The following TLCD2 variants were observed in gnomAD, a reference collection of about 807,000 sequenced individuals.
The protein encoded by TLCD2 is TLC domain-containing protein 2.
A neutral mutation model predicts 14.0 loss-of-function variants in TLCD2; 12 were observed. That is an observed-to-expected ratio of 0.86 (90% CI 0.55 to 1.39). The LOEUF (loss-of-function observed/expected upper bound fraction) is 1.39. TLCD2 is among the 40% of genes most tolerant of loss of function. The probability of loss-of-function intolerance (pLI) is 0.00; values close to 1 mark genes in which losing one functional copy is unlikely to be tolerated. For missense variants in TLCD2, 360 were observed against 346.8 expected, an observed-to-expected ratio of 1.04 and a Z score of -0.30; for synonymous variants, 166 against 156.5, an observed-to-expected ratio of 1.06 and a Z score of -0.45.
chr17:1,707,603 TTTC>T lies in TLCD2; in HGVS notation c.*164_*166del. 1.7e-6 allele frequency: 1 copy of T among 579,474 alleles called. No homozygotes were observed. Among genetic ancestry groups the T allele is most frequent in the African/African-American group, 1.9e-5 (1 of 53,214 alleles). 35.9% of individuals were successfully genotyped at this position (579,474 alleles called of 1,614,324 possible). A position where few individuals can be genotyped will look rare whatever the true frequency, so the allele number is the denominator to read the frequency against. ...GGTTCCCACCCATCCAACATCAGCA[TTTC>T]TTCTTAGATCCGAGGAAGGGGAAGG... On this transcript the variant is annotated 3_prime_UTR_variant, in exon 4 of 4. Transcript: ENST00000330676.
In TLCD2 at chr17:1,703,295, T is replaced by A. The variant is rs1462439769; in HGVS notation, c.*4475A>T. ...ACTACATCCTGCCCCACCTGGGAGC[T>A]GACCTCACTCTTCCTGTATGGGCTT... On this transcript the variant is annotated 3_prime_UTR_variant, in exon 4 of 4. Coordinates refer to ENST00000330676, the MANE Select transcript of TLCD2 (RefSeq NM_001164407.2). 6.6e-6 allele frequency: 1 copy of A among 152,200 alleles called. No homozygotes were observed. Among genetic ancestry groups the A allele is most frequent in the Non-Finnish European group, 1.5e-5 (1 of 68,050 alleles). 9.4% of individuals were successfully genotyped at this position (152,200 alleles called of 1,614,324 possible). A position where few individuals can be genotyped will look rare whatever the true frequency, so the allele number is the denominator to read the frequency against.
In TLCD2 at chr17:1,702,839, T is replaced by C. The variant is rs944644511; in HGVS notation, c.*4931A>G. 1.3e-5 allele frequency: 2 copies of C among 152,232 alleles called. No individual in the cohort carries two copies. Among genetic ancestry groups the C allele is most frequent in the African/African-American group, 4.8e-5 (2 of 41,458 alleles). 9.4% of individuals were successfully genotyped at this position (152,232 alleles called of 1,614,324 possible). A position where few individuals can be genotyped will look rare whatever the true frequency, so the allele number is the denominator to read the frequency against. ...AATTATTTGCATAGCAATTTATTAA[T>C]TTATAATCAGGATAGTGTTTCAAGG... On this transcript the variant is annotated 3_prime_UTR_variant, in exon 4 of 4. Transcript: ENST00000330676.
chr17:1,707,697 G>A lies in TLCD2; in HGVS notation c.*73C>T. On this transcript the variant is annotated 3_prime_UTR_variant, in exon 4 of 4. Coordinates refer to ENST00000330676, the MANE Select transcript of TLCD2 (RefSeq NM_001164407.2). ...CAAGTCTGGCCCTCACCCTGATGGGGGACTGTGCATGGAAGACCCTCATCT... is the reference window on the plus strand; with the variant it reads ...CAAGTCTGGCCCTCACCCTGATGGGAGACTGTGCATGGAAGACCCTCATCT... The A allele has an allele frequency of 8.1e-7, 1 of 1,234,890 alleles. No homozygotes were observed. The highest frequency in any genetic ancestry group is 1.1e-6 in the Non-Finnish European group (1 of 918,796). 76.5% of individuals were successfully genotyped at this position (1,234,890 alleles called of 1,614,324 possible).
In TLCD2 at chr17:1,709,713, C is replaced by G; in HGVS notation, c.259+91G>C. The G allele has an allele frequency of 2.5e-6, 3 of 1,209,274 alleles. No homozygotes were observed. In the South Asian group the frequency reaches 3.9e-5, roughly 16 times the overall value. The allele number at this position is 1,209,274 out of a possible 1,614,324, so 74.9% of individuals were successfully genotyped here. On this transcript the variant is annotated intron_variant, in intron 2 of 3. Transcript: ENST00000330676. ...GTAAAGCCTTCAGGAACGTTTAACC[C>G]CCATGGGGGCGGGGAATGGACCTGG...
rs995324399 is a variant in TLCD2 at position 1,703,068 on chromosome 17, T to TA, written c.*4701dup. ...TGGCAATCTCTGCTTTTTTTTTTTT[T>TA]AACCTCTGCATTTTTGAACGTCCTT... On this transcript the variant is annotated 3_prime_UTR_variant, in exon 4 of 4. Transcript: ENST00000330676. 3 of 152,046 alleles carry TA rather than the reference T, an allele frequency of 2.0e-5. No individual in the cohort carries two copies. Among genetic ancestry groups the TA allele is most frequent in the African/African-American group, 7.2e-5 (3 of 41,382 alleles). The allele number at this position is 152,046 out of a possible 1,614,324, so 9.4% of individuals were successfully genotyped here.
chr17:1,708,644 A>G (rs989027822), intron 3 of TLCD2, among the ~76,000 whole-genome samples: 8 of 151,024 alleles, frequency 5.3e-5, no homozygotes, highest in Non-Finnish European at 5.9e-5. Flanking sequence ...GCGCCACCAC[A>G]CCCAGGTAAT....
In TLCD2 at chr17:1,708,212, C is replaced by T; in HGVS notation, c.353G>A (p.Cys118Tyr). 6.6e-7 allele frequency: 1 copy of T among 1,523,854 alleles called. No homozygotes were observed. Among genetic ancestry groups the T allele is most frequent in the Admixed American group, 2.0e-5 (1 of 50,118 alleles). 94.4% of individuals were successfully genotyped at this position (1,523,854 alleles called of 1,614,324 possible). Residue 118 changes from cysteine to tyrosine, a missense_variant, in exon 4 of 4, where the codon TGC becomes TAC. Physicochemically the swap from Cys to Tyr is radical, Grantham distance 194. Transcript: ENST00000330676. The stretch of plus-strand genomic sequence containing the variant: ...GCCAGACAGAACAGCGGTGCTGAGG[C>T]AGCTCACCACCTGGGAGCCAGGGTC... The part of the protein sequence containing the change: ...LLCHHLVVVS[C>Y]LSTAVLSGHY...
intron 1 of TLCD2, 52 bp from the exon 2 acceptor site, chr17:1,709,938 C>T (rs937455313): frequency 4.4e-5 from 66 of 1,513,144 alleles, no homozygotes; most frequent in Admixed American, 5.9e-5. Context: ...CCTCTCGAGG[C>T]CCCGGCCGCA....
Position 1,709,965 on chromosome 17 carries a change from C to T in TLCD2, c.177-79G>A, listed in dbSNP as rs543188665. The T allele has an allele frequency of 2.2e-5, 33 of 1,510,458 alleles. No homozygotes were observed. The African/African-American group carries it at 4.0e-4, about 18-fold the overall frequency. 93.6% of individuals were successfully genotyped at this position (1,510,458 alleles called of 1,614,324 possible). A position where few individuals can be genotyped will look rare whatever the true frequency, so the allele number is the denominator to read the frequency against. On this transcript the variant is annotated intron_variant, in intron 1 of 3. Transcript: ENST00000330676. ...CCGGCCGCAGTCTCCCTGTGCGCAC[C>T]CCCACCCCAGTCTCAGCTCTGGAGA...
chr17:1,709,448 A>G, intron 3 of TLCD2, 51 bp downstream of exon 3: 1 of 1,148,106 alleles, frequency 8.7e-7, no homozygotes, highest in Non-Finnish European at 1.2e-6. Flanking sequence ...CTCGGGCTGG[A>G]CAGGGCTCCC....
chr17:1,708,479 C>CTTTTTTT (rs70956738), intron 3 of TLCD2, among the ~76,000 whole-genome samples: 1 of 47,844 alleles, frequency 2.1e-5, no homozygotes, highest in Non-Finnish European at 4.3e-5. Context: ...GGCTTGCTTG[C>CTTTTTTT]TTTTTTTTTT....
intron 3 of TLCD2, 56 bp from the exon 4 acceptor site, chr17:1,708,278 C>A: frequency 7.3e-7 from 1 of 1,361,768 alleles, no homozygotes; most frequent in Non-Finnish European, 9.8e-7. Context: ...CCATCATGTC[C>A]CAATAACCCA....
At chr17:1,708,734 C>T (rs533752461) in intron 3 of TLCD2, among the ~76,000 whole-genome samples, 5 of 152,278 alleles carry the variant, frequency 3.3e-5, no homozygotes, top group African/African-American at 7.2e-5. Context: ...CCACCCGCCT[C>T]GGCCTCCCAG....
At chr17:1,709,684 C>G in intron 2 of TLCD2, 103 bp from the exon 3 acceptor site, 1 of 1,245,152 alleles carries the variant, frequency 8.0e-7, no homozygotes, top group Non-Finnish European at 1.1e-6. Context: ...TTAGTTTTCC[C>G]TTGGTAAAGC....
In TLCD2 at chr17:1,708,135, A is replaced by C; in HGVS notation, c.430T>G (p.Cys144Gly). The C allele has an allele frequency of 6.5e-7, 1 of 1,536,918 alleles. No individual in the cohort carries two copies. The highest frequency in any genetic ancestry group is 2.4e-5 in the East Asian group (1 of 40,902). ...VSLLLELNSA[C>G]LHLRKLLLLS... ...AACAGCAGCTTCCGCAGGTGCAAGC[A>C]GGCAGAGTTCAGTTCCAGGAGCAGA... Residue 144 changes from cysteine (C) to glycine (G), a missense_variant, in exon 4 of 4, where the codon TGC becomes GGC. By Grantham distance (159) the Cys-to-Gly change is radical. Transcript: ENST00000330676.
At chr17:1,709,191 C>G (rs1245341443) in intron 3 of TLCD2, among the ~76,000 whole-genome samples, 1 of 152,048 alleles carries the variant, frequency 6.6e-6, no homozygotes, top group African/African-American at 2.4e-5. Context: ...AAGTTCGAGA[C>G]CAGCCTGGCC....
Position 1,707,773 on chromosome 17 carries a change from G to A in TLCD2, c.792C>T (p.Asp264=), listed in dbSNP as rs777728765. The change falls in exon 4 of 4, where the codon GAC becomes GAT. Residue 264 remains aspartate, a synonymous_variant. Coordinates refer to ENST00000330676, the MANE Select transcript of TLCD2 (RefSeq NM_001164407.2). The part of the protein sequence containing the change: ...TSNSSTLSLK[D] ...GCGAGGGGCCCATGGCTTCTCTCTA[G>A]TCTTTCAGGCTGAGAGTCGAACTGT... The A allele has an allele frequency of 3.4e-6, 5 of 1,487,406 alleles. No homozygotes were observed. The South Asian group carries it at 6.6e-5, about 20-fold the overall frequency. The allele number at this position is 1,487,406 out of a possible 1,614,324, so 92.1% of individuals were successfully genotyped here. A position where few individuals can be genotyped will look rare whatever the true frequency, so the allele number is the denominator to read the frequency against.
chr17:1,706,380 A>T lies in TLCD2; in HGVS notation c.*1390T>A, dbSNP rs1008284036. On this transcript the variant is annotated 3_prime_UTR_variant, in exon 4 of 4. Transcript: ENST00000330676. Reference sequence around the variant, plus strand: ...GGCCTGGGAAAACTCTGTACTGGGCACCTTTCCTTCTGTAATTCTAGACTT... The same window carrying T: ...GGCCTGGGAAAACTCTGTACTGGGCTCCTTTCCTTCTGTAATTCTAGACTT... 6.6e-6 allele frequency: 1 copy of T among 152,244 alleles called. No individual in the cohort carries two copies. The highest frequency in any genetic ancestry group is 6.6e-5 in the Admixed American group (1 of 15,258). The allele number at this position is 152,244 out of a possible 1,614,324, so 9.4% of individuals were successfully genotyped here. A position where few individuals can be genotyped will look rare whatever the true frequency, so the allele number is the denominator to read the frequency against.
chr17:1,708,634 G>C (rs976094937), intron 3 of TLCD2, among the ~76,000 whole-genome samples: 1 of 151,862 alleles, frequency 6.6e-6, no homozygotes, highest in Non-Finnish European at 1.5e-5. Context: ...CTACCGGTGC[G>C]CGCCACCACA....
Sources: gnomAD v4.1 joint callset for allele counts (sites outside exome capture counted in the v4.1 genomes callset) on GRCh38, gnomAD v4.1.1 for gene constraint, MANE v1.5 for transcripts, NCBI Gene and HGNC (gene_info 2026-07-23, HGNC 2026-07-21) for gene names.